Variants in ELMO1 observed in about 807,000 individuals in gnomAD.
ELMO1 encodes the protein engulfment and cell motility protein 1.
Under a neutral mutation model 98.9 loss-of-function variants are expected in ELMO1, and 26 were observed. The observed-to-expected ratio is 0.26, with a 90% CI of 0.19 to 0.36. The LOEUF (loss-of-function observed/expected upper bound fraction) is 0.36. Ranked by LOEUF, ELMO1 falls within the 10% of genes least tolerant of loss-of-function variation. ELMO1 has a pLI of 1.00. For missense variants in ELMO1, 627 were observed against 935.2 expected (o/e 0.67, Z 4.30); for synonymous variants, 346 against 346.0 (o/e 1.00, Z 0.00).
intron 2 of ELMO1, among the ~76,000 whole-genome samples, chr7:37,332,171 T>A (rs112446205): frequency 6.6e-5 from 10 of 152,306 alleles, no homozygotes; most frequent in African/African-American, 2.4e-4. Flanking sequence ...ACAGATGGCT[T>A]TGATGGAAAG....
At chr7:37,236,993 T>C (rs184268606) in intron 7 of ELMO1, among the ~76,000 whole-genome samples, 1 of 152,334 alleles carries the variant, frequency 6.6e-6, no homozygotes, top group Admixed American at 6.5e-5. Flanking sequence ...TTTATTTGTT[T>C]GGATTATTTG....
At chr7:36,887,458 CT>C (rs1805125276) in intron 18 of ELMO1, 101 bp downstream of exon 18, 1 of 1,029,204 alleles carries the variant, frequency 9.7e-7, no homozygotes, top group African/African-American at 1.6e-5. Flanking sequence ...GAGTACAATG[CT>C]GCATGGCCTA....
chr7:37,171,483 A>AT (rs71780142), intron 13 of ELMO1, among the ~76,000 whole-genome samples: 1,775 of 82,670 alleles, frequency 0.021, 462 homozygotes, highest in African/African-American at 0.066. Flanking sequence ...AGGCCTTTCT[A>AT]TTTTTTTTTT....
intron 13 of ELMO1, among the ~76,000 whole-genome samples, chr7:37,193,235 G>T (rs73108915): frequency 2.0e-5 from 3 of 151,750 alleles, no homozygotes; most frequent in Admixed American, 1.3e-4. Context: ...TCTTGGTGAG[G>T]GGGGAGGCTC....
At position 36,912,028 on chromosome 7, in the gene ELMO1, C is replaced by A. The variant is rs538994492; in HGVS notation, c.1438-17011G>T. On this transcript the variant is annotated intron_variant, in intron 16 of 21. Transcript: ENST00000310758. ...TAAACACCATGCAGAGAATGTACGT[C>A]AGCTAAATGAGTATTGCTTTAGATG... Among the ~76,000 whole-genome samples, 91 of 152,272 alleles carry A rather than the reference C, an allele frequency of 6.0e-4. 1 individual carries two copies. Among genetic ancestry groups the A allele is most frequent in the African/African-American group, 2.2e-3 (90 of 41,540 alleles).
intron 15 of ELMO1, among the ~76,000 whole-genome samples, chr7:37,075,704 G>A (rs1037226699): frequency 6.6e-6 from 1 of 152,078 alleles, no homozygotes; most frequent in Non-Finnish European, 1.5e-5. Context: ...GCCCTTCTAG[G>A]AGGGGGAGAA....
chr7:37,167,616 A>G (rs1245054416), intron 13 of ELMO1, among the ~76,000 whole-genome samples: 1 of 151,806 alleles, frequency 6.6e-6, no homozygotes. Context: ...TTGGCTGGAT[A>G]TGAAATTCTG....
At chr7:36,993,000 T>A (rs887748556) in intron 16 of ELMO1, among the ~76,000 whole-genome samples, 7 of 152,122 alleles carry the variant, frequency 4.6e-5, no homozygotes, top group Non-Finnish European at 1.0e-4. Flanking sequence ...GCATCAGGGA[T>A]GCGGGGAAGA....
chr7:37,130,916 T>A (rs1417729107), intron 14 of ELMO1, among the ~76,000 whole-genome samples: 1 of 152,108 alleles, frequency 6.6e-6, no homozygotes, highest in Non-Finnish European at 1.5e-5. Flanking sequence ...AGAGAAGATA[T>A]ACATCCTCAA....
chr7:37,043,933 T>C (rs548821526), intron 15 of ELMO1, among the ~76,000 whole-genome samples: 1 of 152,162 alleles, frequency 6.6e-6, no homozygotes, highest in Non-Finnish European at 1.5e-5. Context: ...TGTCTCTTTA[T>C]AATGGTGATG....
At chr7:36,868,960 C>T (rs1803280269) in intron 20 of ELMO1, among the ~76,000 whole-genome samples, 2 of 152,154 alleles carry the variant, frequency 1.3e-5, no homozygotes, top group Admixed American at 6.5e-5. Context: ...GGAGAGAATA[C>T]CTGACATGTG....
intron 15 of ELMO1, among the ~76,000 whole-genome samples, chr7:37,074,993 T>C (rs909611575): frequency 2.0e-5 from 3 of 152,160 alleles, no homozygotes; most frequent in South Asian, 2.1e-4. Context: ...AACCCTGAAA[T>C]TGCTTTCTCA....
At chr7:37,011,972 C>T (rs1359987816) in intron 16 of ELMO1, among the ~76,000 whole-genome samples, 2 of 152,168 alleles carry the variant, frequency 1.3e-5, no homozygotes, top group Admixed American at 1.3e-4. Context: ...CTCCACTTCC[C>T]TTCTTGAATC....
At chr7:37,234,075 C>T (rs962330131) in intron 7 of ELMO1, among the ~76,000 whole-genome samples, 1 of 152,158 alleles carries the variant, frequency 6.6e-6, no homozygotes, top group East Asian at 1.9e-4. Context: ...CATAGATATT[C>T]ACCTTTATTG....
chr7:37,343,338 G>T (rs1800818941), intron 1 of ELMO1, among the ~76,000 whole-genome samples: 1 of 152,104 alleles, frequency 6.6e-6, no homozygotes, highest in Non-Finnish European at 1.5e-5. Context: ...TGCACCTTCG[G>T]TGGGGGGTGG....
intron 15 of ELMO1, among the ~76,000 whole-genome samples, chr7:37,060,621 C>T (rs1584582165): frequency 6.6e-6 from 1 of 152,072 alleles, no homozygotes; most frequent in African/African-American, 2.4e-5. Context: ...AACAAATCTG[C>T]ACATGTACCC....
intron 1 of ELMO1, among the ~76,000 whole-genome samples, chr7:37,350,925 A>G (rs368998284): frequency 3.9e-5 from 6 of 152,148 alleles, no homozygotes; most frequent in African/African-American, 7.2e-5. Context: ...AGGAACCAAC[A>G]CTGATAACAC....
At chr7:37,369,070 A>C (rs1562647306) in intron 1 of ELMO1, among the ~76,000 whole-genome samples, 1 of 152,222 alleles carries the variant, frequency 6.6e-6, no homozygotes, top group Non-Finnish European at 1.5e-5. Context: ...ACACCAAAAT[A>C]AACGGATAAA....
chr7:37,021,717 T>C (rs973148094), intron 15 of ELMO1, among the ~76,000 whole-genome samples: 1 of 152,076 alleles, frequency 6.6e-6, no homozygotes, highest in Admixed American at 6.6e-5. Context: ...TTCTATCTTA[T>C]CAGATTGCTG....
Sources: gnomAD v4.1 joint callset for allele counts (sites outside exome capture counted in the v4.1 genomes callset) on GRCh38, gnomAD v4.1.1 for gene constraint, MANE v1.5 for transcripts, NCBI Gene and HGNC (gene_info 2026-07-23, HGNC 2026-07-21) for gene names.